STAU2: variants seen among roughly 807,000 people sequenced by gnomAD.
The protein encoded by STAU2 is double-stranded RNA-binding protein Staufen homolog 2.
A neutral mutation model predicts 65.9 loss-of-function variants in STAU2; 20 were observed. The observed-to-expected ratio is 0.30, with a 90% confidence interval of 0.21 to 0.44. The LOEUF (loss-of-function observed/expected upper bound fraction) is 0.44. Among genes scored for constraint, STAU2 ranks in the 20% least tolerant of loss-of-function variants. The probability of loss-of-function intolerance (pLI) is 1.00; values close to 1 mark genes in which losing one functional copy is unlikely to be tolerated. For missense variants in STAU2, 558 were observed against 683.9 expected, an observed-to-expected ratio of 0.82 and a Z score of 2.05; for synonymous variants, 232 against 233.9, an observed-to-expected ratio of 0.99 and a Z score of 0.07.
intron 12 of STAU2, among the ~76,000 whole-genome samples, chr8:73,558,286 G>C (rs1313900413): frequency 6.6e-6 from 1 of 152,222 alleles, no homozygotes; most frequent in Non-Finnish European, 1.5e-5. Flanking sequence ...ATGTTCCAGA[G>C]ATGAGCTCAC....
chr8:73,602,985 A>G (rs1454726811), intron 10 of STAU2, among the ~76,000 whole-genome samples: 2 of 152,190 alleles, frequency 1.3e-5, no homozygotes, highest in Non-Finnish European at 2.9e-5. Flanking sequence ...CAAGTGTGGC[A>G]AAAATCTTAA....
intron 4 of STAU2, among the ~76,000 whole-genome samples, chr8:73,703,784 G>GT (rs746301775): frequency 2.0e-5 from 3 of 152,180 alleles, no homozygotes; most frequent in Non-Finnish European, 4.4e-5. Flanking sequence ...AAGCAGATTA[G>GT]TAGCTGTGTG....
At chr8:73,571,656 A>G (rs1809098949) in intron 12 of STAU2, among the ~76,000 whole-genome samples, 2 of 152,262 alleles carry the variant, frequency 1.3e-5, no homozygotes, top group African/African-American at 2.4e-5. Context: ...TACTGGGTAC[A>G]TAACGAAATG....
At chr8:73,507,071 C>G (rs1022331334) in intron 13 of STAU2, among the ~76,000 whole-genome samples, 1 of 152,158 alleles carries the variant, frequency 6.6e-6, no homozygotes, top group Non-Finnish European at 1.5e-5. Flanking sequence ...CTCCAAGTCA[C>G]CCATGAGGGT....
At chr8:73,568,217 C>T (rs533275533) in intron 12 of STAU2, among the ~76,000 whole-genome samples, 6 of 152,262 alleles carry the variant, frequency 3.9e-5, no homozygotes, top group South Asian at 2.1e-4. Flanking sequence ...CCATGTAGTA[C>T]GTGCAAGAAG....
chr8:73,545,557 T>C (rs981553752), intron 13 of STAU2, among the ~76,000 whole-genome samples: 16 of 152,070 alleles, frequency 1.1e-4, no homozygotes, highest in African/African-American at 3.6e-4. Flanking sequence ...GATGTATGTA[T>C]TCCCAAATGT....
intron 13 of STAU2, among the ~76,000 whole-genome samples, chr8:73,499,397 C>G (rs1251132802): frequency 6.6e-6 from 1 of 151,728 alleles, no homozygotes; most frequent in Admixed American, 6.6e-5. Flanking sequence ...AAGGATAAAG[C>G]CTTGAGCACA....
At chr8:73,503,422 G>A (rs1202406602) in intron 13 of STAU2, among the ~76,000 whole-genome samples, 1 of 152,012 alleles carries the variant, frequency 6.6e-6, no homozygotes, top group African/African-American at 2.4e-5. Flanking sequence ...AAACTGAGAA[G>A]CCGGGAATGG....
At chr8:73,672,377 T>G (rs1817744295) in intron 6 of STAU2, 1 of 1,098 alleles carries the variant, frequency 9.1e-4, no homozygotes, top group Admixed American at 0.023. Flanking sequence ...GAGGAAACTC[T>G]CAGAGGTGAT....
chr8:73,426,139 G>A (rs1193958346), intron 13 of STAU2, among the ~76,000 whole-genome samples: 1 of 151,510 alleles, frequency 6.6e-6, no homozygotes, highest in Non-Finnish European at 1.5e-5. Flanking sequence ...ACTGTAGCCT[G>A]GATCATGTCT....
At chr8:73,745,964 C>G (rs1313213725) in intron 1 of STAU2, among the ~76,000 whole-genome samples, 2 of 151,872 alleles carry the variant, frequency 1.3e-5, no homozygotes, top group East Asian at 1.9e-4. Context: ...GGCTCGACCC[C>G]GAAGAGACTA....
upstream of STAU2, among the ~76,000 whole-genome samples, chr8:73,747,088 G>A (rs2130808075): frequency 6.6e-6 from 1 of 151,678 alleles, no homozygotes; most frequent in Admixed American, 6.6e-5. Context: ...CGCAGCTCCC[G>A]CCCCCTGGCG....
chr8:73,738,079 A>T (rs1806570243), intron 3 of STAU2, among the ~76,000 whole-genome samples: 1 of 152,198 alleles, frequency 6.6e-6, no homozygotes, highest in Admixed American at 6.5e-5. Context: ...TTGCACAACC[A>T]GAAGTTATCA....
chr8:73,511,099 G>A (rs150732969), intron 13 of STAU2, among the ~76,000 whole-genome samples: 4 of 152,254 alleles, frequency 2.6e-5, no homozygotes, highest in African/African-American at 9.6e-5. Context: ...TTATGGTGTC[G>A]GTGCATGAGA....
intron 11 of STAU2, among the ~76,000 whole-genome samples, chr8:73,583,200 G>T (rs1810120159): frequency 6.7e-6 from 1 of 149,396 alleles, no homozygotes; most frequent in African/African-American, 2.5e-5. Flanking sequence ...AGGCTGGAAT[G>T]TAATGGCTTG....
intron 10 of STAU2, among the ~76,000 whole-genome samples, chr8:73,600,953 C>T (rs955444059): frequency 1.1e-4 from 17 of 152,278 alleles, no homozygotes; most frequent in South Asian, 8.3e-4. Context: ...CTAATAAACA[C>T]AATGGTCACT....
chr8:73,481,500 C>CAAAA (rs766805913), intron 13 of STAU2, among the ~76,000 whole-genome samples: 13 of 60,032 alleles, frequency 2.2e-4, no homozygotes, highest in African/African-American at 6.0e-4. Flanking sequence ...CAAAATAAGC[C>CAAAA]AAAAAAACAA....
chr8:73,572,866 C>G (rs887480843), intron 12 of STAU2, among the ~76,000 whole-genome samples: 6 of 152,330 alleles, frequency 3.9e-5, no homozygotes, highest in African/African-American at 1.4e-4. Flanking sequence ...CTCACCACTC[C>G]TATTCAACAT....
At chr8:73,682,591 C>A (rs1321184950) in intron 5 of STAU2, among the ~76,000 whole-genome samples, 1 of 151,798 alleles carries the variant, frequency 6.6e-6, no homozygotes, top group East Asian at 1.9e-4. Context: ...AAACCAAACC[C>A]AGCAGAAGAA....
Sources: gnomAD v4.1 joint callset for allele counts (sites outside exome capture counted in the v4.1 genomes callset) on GRCh38, gnomAD v4.1.1 for gene constraint, MANE v1.5 for transcripts, NCBI Gene and HGNC (gene_info 2026-07-23, HGNC 2026-07-21) for gene names.